DNAH10: variants seen among roughly 807,000 people sequenced by gnomAD.
DNAH10 encodes the protein axonemal beta dynein heavy chain 10.
A neutral mutation model predicts 506.6 loss-of-function variants in DNAH10; 348 were observed. That is an observed-to-expected ratio of 0.69 (90% CI 0.63 to 0.75). The LOEUF (loss-of-function observed/expected upper bound fraction) is 0.75, where lower values mean the gene tolerates loss of function less well. Among genes scored for constraint, DNAH10 ranks in the 30% least tolerant of loss-of-function variants. DNAH10 has a pLI of 0.00. For synonymous variants in DNAH10, 2,059 were observed against 2,198.6 expected (o/e 0.94, Z 1.78); for missense variants, 5,179 against 5,787.1 (o/e 0.89, Z 3.41).
At chr12:123,896,999 T>C (rs1953280658) in intron 54 of DNAH10, among the ~76,000 whole-genome samples, 1 of 152,136 alleles carries the variant, frequency 6.6e-6, no homozygotes, top group African/African-American at 2.4e-5. Flanking sequence ...AAACACGAAC[T>C]CCCCATCGCC....
chr12:123,930,200 C>G (rs1422274728), intron 72 of DNAH10: 7 of 540,144 alleles, frequency 1.3e-5, no homozygotes, highest in Non-Finnish European at 2.2e-5. Flanking sequence ...GCTTTGGGCC[C>G]TATCCCTTGG....
In DNAH10 at chr12:123,853,171, TC is replaced by T. The variant is rs1430425752; in HGVS notation, c.6292-34del. On this transcript the variant is annotated intron_variant, in intron 35 of 78. Coordinates refer to ENST00000673944, the MANE Select transcript of DNAH10 (RefSeq NM_001372106.1). This position sits in a 1 kb window ranked among gnomAD's most constrained non-coding sequence, Gnocchi z 4.7. The stretch of plus-strand genomic sequence containing the variant: ...ATTGCTTTTGAATCATTTTCTTTTT[TC>T]TTTTTTTTTGTATTATTATCTTCTA... 1 of 1,504,198 alleles carries T rather than the reference TC, an allele frequency of 6.6e-7. No individual in the cohort carries two copies. Among genetic ancestry groups the T allele is most frequent in the Non-Finnish European group, 8.9e-7 (1 of 1,122,064 alleles). The allele number at this position is 1,504,198 out of a possible 1,614,324, so 93.2% of individuals were successfully genotyped here.
chr12:123,830,806 G>C (rs1021070605), intron 26 of DNAH10, 107 bp downstream of exon 26: 1 of 1,149,936 alleles, frequency 8.7e-7, no homozygotes, highest in Non-Finnish European at 1.2e-6. Flanking sequence ...TTAGCTGAGC[G>C]TGGTGGTATG....
Position 123,808,923 on chromosome 12 carries a change from T to C in DNAH10, c.3114T>C (p.His1038=), listed in dbSNP as rs1212276727. The stretch of plus-strand genomic sequence containing the variant: ...ATGAGATCGACAAGATGTGCTTCCA[T>C]TGTGTCCGGAATTGCGTGGAGATCA... ...NTNEIDKMCF[H]CVRNCVEITK... The change falls in exon 19 of 79, where the codon CAT becomes CAC. Residue 1038 remains histidine, a synonymous_variant. Coordinates refer to ENST00000673944, the MANE Select transcript of DNAH10 (RefSeq NM_001372106.1). 3.1e-6 allele frequency: 5 copies of C among 1,614,058 alleles called. No individual in the cohort carries two copies. Among genetic ancestry groups the C allele is most frequent in the South Asian group, 2.2e-5 (2 of 91,094 alleles).
At chr12:123,842,450 C>T (rs762128808) in intron 30 of DNAH10, among the ~76,000 whole-genome samples, 5 of 152,182 alleles carry the variant, frequency 3.3e-5, no homozygotes, top group African/African-American at 7.2e-5. Context: ...CAGGATCCCC[C>T]GTAAAGTTGG....
At chr12:123,792,703 C>T (rs948874991) in intron 11 of DNAH10, among the ~76,000 whole-genome samples, 6 of 152,270 alleles carry the variant, frequency 3.9e-5, no homozygotes, top group Admixed American at 2.0e-4. Context: ...TCAAGTGATC[C>T]GCCTGCCTCA....
chr12:123,891,737 A>G (rs1952991763), intron 52 of DNAH10, among the ~76,000 whole-genome samples: 1 of 152,118 alleles, frequency 6.6e-6, no homozygotes, highest in Non-Finnish European at 1.5e-5. Flanking sequence ...CCCCAAGACC[A>G]TCCCCGGCTC....
chr12:123,841,674 T>G (rs1034223339), intron 30 of DNAH10, 129 bp downstream of exon 30: 4 of 768,048 alleles, frequency 5.2e-6, no homozygotes, highest in Admixed American at 2.7e-5. Flanking sequence ...AGGTCATTAG[T>G]GGACAGATAG....
intron 1 of DNAH10, among the ~76,000 whole-genome samples, chr12:123,766,922 T>G (rs1363435017): frequency 6.6e-6 from 1 of 151,444 alleles, no homozygotes. Flanking sequence ...TTTTTTTTTT[T>G]TGAGACAGAG....
Position 123,867,600 on chromosome 12 carries a change from T to C in DNAH10, c.7301T>C (p.Met2434Thr), listed in dbSNP as rs1380888940. 6.2e-7 allele frequency: 1 copy of C among 1,613,464 alleles called. No individual in the cohort carries two copies. The highest frequency in any genetic ancestry group is 1.3e-5 in the African/African-American group (1 of 74,888). Residue 2434 changes from methionine to threonine, a missense_variant and splice_region_variant, in exon 42 of 79, where the codon ATG (methionine) becomes ACG (threonine). Physicochemically the swap from Met to Thr is moderately conservative, Grantham distance 81. This residue lies in a region of DNAH10 where 4,844 missense variants were observed against 5,430.5 expected (regional missense o/e 0.89). Coordinates refer to ENST00000673944, the MANE Select transcript of DNAH10 (RefSeq NM_001372106.1). ...KTIVPQTDLNMVTQLAKMLDA... is the reference protein window; with the variant it reads ...KTIVPQTDLNTVTQLAKMLDA... ...ATAGTTCCTCAGACAGACCTCAATATGGTAAGAAATGATCCCTGCTGTTAG... is the reference window on the plus strand; with the variant it reads ...ATAGTTCCTCAGACAGACCTCAATACGGTAAGAAATGATCCCTGCTGTTAG...
intron 7 of DNAH10, 119 bp from the exon 8 acceptor site, chr12:123,783,828 C>G (rs1594011514): frequency 6.6e-6 from 6 of 908,022 alleles, no homozygotes; most frequent in Admixed American, 4.6e-5. Flanking sequence ...GAGCCCACCC[C>G]TGAAGACCCT....
intron 58 of DNAH10, among the ~76,000 whole-genome samples, chr12:123,910,005 T>G (rs575873077): frequency 1.3e-5 from 2 of 152,346 alleles, no homozygotes; most frequent in Non-Finnish European, 2.9e-5. Context: ...GTGTTAGTCT[T>G]TGCGAAAAGC....
chr12:123,884,692 GA>G (rs1037014662), intron 51 of DNAH10, among the ~76,000 whole-genome samples: 2 of 152,132 alleles, frequency 1.3e-5, no homozygotes, highest in African/African-American at 4.8e-5. Context: ...TTCAACAAAG[GA>G]ATTTTGTGTG....
intron 28 of DNAH10, 58 bp downstream of exon 28, chr12:123,835,586 T>C: frequency 1.3e-6 from 2 of 1,563,248 alleles, no homozygotes; most frequent in African/African-American, 1.4e-5. Flanking sequence ...GAGATATTTG[T>C]ACCTTTTTAT....
At chr12:123,847,195 T>C (rs1239534695) in intron 32 of DNAH10, among the ~76,000 whole-genome samples, 2 of 140,352 alleles carry the variant, frequency 1.4e-5, no homozygotes, top group Non-Finnish European at 1.6e-5. Context: ...TCCATCCATG[T>C]ATCTATCCAT....
At chr12:123,924,919 C>A in intron 67 of DNAH10, 131 bp from the exon 68 acceptor site, 1 of 1,171,294 alleles carries the variant, frequency 8.5e-7, no homozygotes, top group Non-Finnish European at 1.2e-6. Flanking sequence ...ACAGATCTGA[C>A]CAGGTGGCCT....
chr12:123,925,493 TATTAAA>T lies in DNAH10; in HGVS notation c.11921+294_11921+299del, dbSNP rs1368739701. ...TAATAACATTTTATTTAAATGAATA[TATTAAA>T]ATTATCATTTGAATGTATAATCAAT... is the stretch of plus-strand genomic sequence containing the variant. On this transcript the variant is annotated intron_variant, in intron 68 of 78. Transcript: ENST00000673944. The surrounding 1 kb of genome is among the most constrained non-coding windows in gnomAD (Gnocchi z 4.0). The T allele has an allele frequency of 1.0e-5, 3 of 296,244 alleles. No individual in the cohort carries two copies. The highest frequency in any genetic ancestry group is 4.8e-5 in the Admixed American group (1 of 20,988). The allele number at this position is 296,244 out of a possible 1,614,324, so 18.4% of individuals were successfully genotyped here.
Position 123,877,767 on chromosome 12 carries a change from G to T in DNAH10, c.8231G>T (p.Gly2744Val), listed in dbSNP as rs1345595104. The change falls in exon 48 of 79, where the codon GGC (glycine) becomes GTC (valine). Residue 2744 changes from glycine (G) to valine (V), a missense_variant. Physicochemically the swap from Gly to Val is moderately radical, Grantham distance 109. Coordinates refer to ENST00000673944, the MANE Select transcript of DNAH10 (RefSeq NM_001372106.1). ...TFHESIVAVS[G>V]KLTFCTLALY... The stretch of plus-strand genomic sequence containing the variant: ...CATGAGAGCATTGTGGCTGTGAGTG[G>T]CAAGCTGACATTCTGCACGCTAGCA... The T allele has an allele frequency of 6.2e-7, 1 of 1,613,662 alleles. No individual in the cohort carries two copies. Among genetic ancestry groups the T allele is most frequent in the East Asian group, 2.2e-5 (1 of 44,872 alleles).
chr12:123,861,257 T>C (rs1951600464), intron 39 of DNAH10, 87 bp downstream of exon 39: 2 of 1,466,708 alleles, frequency 1.4e-6, no homozygotes, highest in Admixed American at 4.6e-5. Flanking sequence ...CTATACATTG[T>C]AGCTTCATGC....
Sources: allele counts gnomAD v4.1 joint callset (sites outside exome capture counted in the v4.1 genomes callset), GRCh38; gene constraint gnomAD v4.1.1; regional missense constraint gnomAD v4.1.1; non-coding constraint Gnocchi (gnomAD v3.1); transcripts MANE v1.5; gene names NCBI Gene and HGNC (gene_info 2026-07-23, HGNC 2026-07-21).